NCAM1: variants seen among roughly 807,000 people sequenced by gnomAD.
NCAM1 encodes antigen recognized by monoclonal antibody 5.1H11.
NCAM1 carries 14 observed loss-of-function variants against 109.8 expected under a neutral mutation model. The observed-to-expected ratio is 0.13, with a 90% CI of 0.08 to 0.20. NCAM1 has a LOEUF of 0.20. Ranked by LOEUF, NCAM1 falls within the 10% of genes least tolerant of loss-of-function variation. The pLI is 1.00. For missense variants in NCAM1, 774 were observed against 1,109.9 expected (o/e 0.70, Z 4.30); for synonymous variants, 418 against 442.9 (o/e 0.94, Z 0.70).
At chr11:112,971,226 TTCTCTCTCTCTCTCTCTCTGTCTCTG>T (rs1158149436) in intron 1 of NCAM1, among the ~76,000 whole-genome samples, 7 of 149,290 alleles carry the variant, frequency 4.7e-5, no homozygotes, top group Admixed American at 2.0e-4. Context: ...GTACTTCAAT[TTCTCTCTCTCTCTCTCTCTGTCTCTG>T]TCTCTCTCTC....
intron 1 of NCAM1, among the ~76,000 whole-genome samples, chr11:113,106,027 CAT>C (rs35542312): frequency 6.6e-6 from 1 of 151,974 alleles, no homozygotes; most frequent in Admixed American, 6.6e-5. Flanking sequence ...CAATTTGTGA[CAT>C]ATATTTTAAA....
intron 7 of NCAM1, among the ~76,000 whole-genome samples, chr11:113,211,696 G>C (rs782087004): frequency 1.4e-4 from 21 of 152,204 alleles, no homozygotes; most frequent in Non-Finnish European, 3.1e-4. Flanking sequence ...TTACAGCTAA[G>C]GACAAGCAGT....
chr11:112,995,597 C>T (rs1951571446), intron 1 of NCAM1, among the ~76,000 whole-genome samples: 1 of 152,174 alleles, frequency 6.6e-6, no homozygotes, highest in African/African-American at 2.4e-5. Flanking sequence ...GATTAAGGCA[C>T]TAATTAGCAT....
chr11:113,215,194 G>A lies in NCAM1; in HGVS notation c.1059+683G>A, dbSNP rs149593070. ...CCGTGGATTTGTAGGCCACCAGAAA[G>A]CTATCTTTATTGTTGACAATATATA... On this transcript the variant is annotated intron_variant, in intron 8 of 19. Transcript: ENST00000316851. Among the ~76,000 whole-genome samples the A allele has an allele frequency of 1.9e-4, 29 of 152,284 alleles. No individual in the cohort carries two copies. The East Asian group carries it at 4.3e-3, about 22-fold the overall frequency.
chr11:113,271,929 C>A, intron 19 of NCAM1, 53 bp downstream of exon 19: 1 of 1,348,256 alleles, frequency 7.4e-7, no homozygotes, highest in Non-Finnish European at 1.0e-6. Flanking sequence ...CCCACACCCA[C>A]CTCCCCACCC....
intron 1 of NCAM1, among the ~76,000 whole-genome samples, chr11:113,094,638 G>A (rs1020299679): frequency 2.0e-5 from 3 of 152,116 alleles, no homozygotes; most frequent in East Asian, 1.9e-4. Context: ...CTTGTAATTC[G>A]CTGCTGTGGC....
chr11:113,258,748 T>A (rs1945896409), intron 16 of NCAM1, among the ~76,000 whole-genome samples: 2 of 152,252 alleles, frequency 1.3e-5, no homozygotes, highest in Admixed American at 6.5e-5. Context: ...AATTATCACA[T>A]GTACCCTGAA....
chr11:113,167,154 C>T (rs756252522), intron 1 of NCAM1, among the ~76,000 whole-genome samples: 1 of 152,208 alleles, frequency 6.6e-6, no homozygotes, highest in Non-Finnish European at 1.5e-5. Context: ...CAAGCAACAC[C>T]GATCTGCCAG....
intron 1 of NCAM1, among the ~76,000 whole-genome samples, chr11:112,973,287 G>C (rs1386139077): frequency 6.6e-6 from 1 of 152,082 alleles, no homozygotes; most frequent in Admixed American, 6.5e-5. Flanking sequence ...TCACATGAGA[G>C]GCTGCCAGTC....
Position 113,090,487 on chromosome 11 carries a change from T to C in NCAM1, c.53-111892T>C, listed in dbSNP as rs79980523. 9.1e-3 allele frequency among the ~76,000 whole-genome samples: 1,380 copies of C among 152,308 alleles called. 21 individuals are homozygous for C. Among genetic ancestry groups the C allele is most frequent in the African/African-American group, 0.032 (1,316 of 41,582 alleles). The stretch of plus-strand genomic sequence containing the variant: ...AATGAACTCTTGAACTTGTAGGGGA[T>C]ATATGCAACATTAAGGCCAAAGAAG... On this transcript the variant is annotated intron_variant, in intron 1 of 19. Transcript: ENST00000316851.
chr11:113,130,210 G>A (rs879988359), intron 1 of NCAM1, among the ~76,000 whole-genome samples: 4 of 152,200 alleles, frequency 2.6e-5, no homozygotes, highest in Non-Finnish European at 5.9e-5. Flanking sequence ...TTGGCAGAGT[G>A]TCTGCAAACA....
intron 1 of NCAM1, among the ~76,000 whole-genome samples, chr11:113,128,948 T>TGTGC (rs1555097775): frequency 8.8e-4 from 127 of 145,044 alleles, no homozygotes; most frequent in Middle Eastern, 3.6e-3. Context: ...TGTGTGTGTG[T>TGTGC]GCATGCGTGC....
intron 1 of NCAM1, among the ~76,000 whole-genome samples, chr11:113,188,746 A>AGTGACT (rs1226837800): frequency 2.0e-5 from 3 of 152,202 alleles, no homozygotes; most frequent in African/African-American, 7.2e-5. Flanking sequence ...GACACAAACC[A>AGTGACT]GTGACTTTTG....
intron 1 of NCAM1, among the ~76,000 whole-genome samples, chr11:113,145,592 C>T (rs1428802980): frequency 1.3e-5 from 2 of 152,160 alleles, no homozygotes; most frequent in African/African-American, 2.4e-5. Flanking sequence ...TTTTAAACAC[C>T]TGTCTATCCG....
At chr11:113,272,000 C>A in intron 19 of NCAM1, 124 bp downstream of exon 19, 1 of 661,018 alleles carries the variant, frequency 1.5e-6, no homozygotes, top group Non-Finnish European at 2.5e-6. Flanking sequence ...GCCAGGATTC[C>A]AAACCCTTGG....
chr11:113,126,881 TCCA>T (rs1436245728), intron 1 of NCAM1, among the ~76,000 whole-genome samples: 2 of 152,194 alleles, frequency 1.3e-5, no homozygotes, highest in Non-Finnish European at 2.9e-5. Flanking sequence ...TCCCAGGATA[TCCA>T]CCACACCTCC....
chr11:113,096,828 C>T (rs916426637), intron 1 of NCAM1, among the ~76,000 whole-genome samples: 2 of 152,084 alleles, frequency 1.3e-5, no homozygotes, highest in African/African-American at 2.4e-5. Flanking sequence ...AACAGAGTGA[C>T]TCACCATCCC....
intron 1 of NCAM1, among the ~76,000 whole-genome samples, chr11:113,014,056 T>C (rs893291233): frequency 1.3e-5 from 2 of 152,168 alleles, no homozygotes; most frequent in Non-Finnish European, 2.9e-5. Context: ...AGCAAGAATA[T>C]TGGGCTTTAG....
At chr11:112,973,435 T>C (rs1555067160) in intron 1 of NCAM1, among the ~76,000 whole-genome samples, 4 of 152,146 alleles carry the variant, frequency 2.6e-5, no homozygotes, top group African/African-American at 9.7e-5. Context: ...TTTGGGTACA[T>C]AATTATAAAT....
Sources: gnomAD v4.1 joint callset for allele counts (sites outside exome capture counted in the v4.1 genomes callset) on GRCh38, gnomAD v4.1.1 for gene constraint, MANE v1.5 for transcripts, NCBI Gene and HGNC (gene_info 2026-07-23, HGNC 2026-07-21) for gene names.